Variants in AUTS2 observed in about 807,000 individuals in gnomAD.
The protein encoded by AUTS2 is autism susceptibility gene 2 protein.
A neutral mutation model predicts 112.4 loss-of-function variants in AUTS2; 17 were observed. The ratio of observed to expected loss-of-function variants is 0.15; its 90% CI spans 0.10 to 0.23. The LOEUF is 0.23. Ranked by LOEUF, AUTS2 falls within the 10% of genes least tolerant of loss-of-function variation. The pLI, the probability that AUTS2 is intolerant of heterozygous loss-of-function variation, is 1.00. For missense variants in AUTS2, 1,510 were observed against 1,701.6 expected (o/e 0.89, Z 1.98); for synonymous variants, 751 against 702.7 (o/e 1.07, Z -1.09).
chr7:70,393,106 G>A (rs1793935199), intron 4 of AUTS2, among the ~76,000 whole-genome samples: 1 of 152,200 alleles, frequency 6.6e-6, no homozygotes, highest in African/African-American at 2.4e-5. Context: ...GGCCAAAGAG[G>A]AATGCTCAGA....
chr7:70,282,795 G>A (rs948118552), intron 4 of AUTS2, among the ~76,000 whole-genome samples: 2 of 152,166 alleles, frequency 1.3e-5, no homozygotes, highest in African/African-American at 2.4e-5. Flanking sequence ...GGATTTTGTG[G>A]AAGAAGGAAT....
intron 1 of AUTS2, among the ~76,000 whole-genome samples, chr7:69,664,990 C>T (rs1392025559): frequency 6.6e-6 from 1 of 152,124 alleles, no homozygotes. Flanking sequence ...TGACGCATCA[C>T]CTTTACTTGA....
chr7:69,600,266 C>T (rs937424216), intron 1 of AUTS2, among the ~76,000 whole-genome samples: 2 of 152,074 alleles, frequency 1.3e-5, no homozygotes, highest in Admixed American at 6.5e-5. Context: ...CACAACAATG[C>T]GCCCCCTCTC....
chr7:69,669,427 T>G lies in AUTS2; in HGVS notation c.309+69465T>G, dbSNP rs369692171. Among the ~76,000 whole-genome samples, 15 of 152,244 alleles carry G rather than the reference T, an allele frequency of 9.9e-5. No homozygotes were observed. The East Asian group carries it at 1.5e-3, about 16-fold the overall frequency. ...TTTATTATATTGTAATATTTTGACA[T>G]GAGGTTTCAGGATTCTATAGAGTTA... On this transcript the variant is annotated intron_variant, in intron 1 of 18. Coordinates refer to ENST00000342771, the MANE Select transcript of AUTS2 (RefSeq NM_015570.4).
intron 1 of AUTS2, among the ~76,000 whole-genome samples, chr7:69,699,321 C>G (rs191186632): frequency 9.8e-5 from 15 of 152,294 alleles, no homozygotes; most frequent in Admixed American, 3.3e-4. Flanking sequence ...GCTTTTATAA[C>G]TACTTTATTA....
At chr7:70,394,040 G>T (rs1286079627) in intron 4 of AUTS2, among the ~76,000 whole-genome samples, 1 of 152,214 alleles carries the variant, frequency 6.6e-6, no homozygotes, top group African/African-American at 2.4e-5. Context: ...TTGCCTGGTA[G>T]CTGTCTCCCT....
intron 1 of AUTS2, among the ~76,000 whole-genome samples, chr7:69,760,561 C>G (rs911955349): frequency 1.3e-5 from 2 of 152,136 alleles, no homozygotes; most frequent in African/African-American, 4.8e-5. Flanking sequence ...CGGTGGCTCA[C>G]GCCTGTAATC....
At position 70,678,517 on chromosome 7, in the gene AUTS2, C is replaced by T. The variant is rs1202443459; in HGVS notation, c.691-20052C>T. Among the ~76,000 whole-genome samples the T allele has an allele frequency of 3.9e-5, 6 of 152,194 alleles. No individual in the cohort carries two copies. In the East Asian group the frequency reaches 7.7e-4, roughly 20 times the overall value. On this transcript the variant is annotated intron_variant, in intron 5 of 18. Coordinates refer to ENST00000342771, the MANE Select transcript of AUTS2 (RefSeq NM_015570.4). ...GAGCACTTACTTTGCAGTTGATGCTCTTCTAGCTAAGGTAATCTTCACAAC... is the reference window on the plus strand; with the variant it reads ...GAGCACTTACTTTGCAGTTGATGCTTTTCTAGCTAAGGTAATCTTCACAAC...
chr7:70,684,784 T>C lies in AUTS2; in HGVS notation c.691-13785T>C, dbSNP rs923603281. On this transcript the variant is annotated intron_variant, in intron 5 of 18. Transcript: ENST00000342771. ...CCTCATTCCTTCACTGCAGAGGACCTCCTTACACTCCTGTATCCATTTCCT... is the reference window on the plus strand; with the variant it reads ...CCTCATTCCTTCACTGCAGAGGACCCCCTTACACTCCTGTATCCATTTCCT... 2.2e-4 allele frequency among the ~76,000 whole-genome samples: 33 copies of C among 152,180 alleles called. 1 individual carries two copies. The highest frequency in any genetic ancestry group is 4.4e-5 in the Non-Finnish European group (3 of 68,028).
chr7:69,680,169 ATAG>A (rs1444082288), intron 1 of AUTS2, among the ~76,000 whole-genome samples: 10 of 152,246 alleles, frequency 6.6e-5, no homozygotes, highest in African/African-American at 2.4e-4. Context: ...TAGAAATCCT[ATAG>A]TAGTTGTTTT....
At chr7:70,452,877 C>T (rs1796589913) in intron 5 of AUTS2, among the ~76,000 whole-genome samples, 1 of 152,166 alleles carries the variant, frequency 6.6e-6, no homozygotes, top group African/African-American at 2.4e-5. Context: ...CCCATGTCCC[C>T]CTCCACCTAA....
chr7:70,048,480 A>G (rs1268863471), intron 2 of AUTS2, among the ~76,000 whole-genome samples: 2 of 152,222 alleles, frequency 1.3e-5, no homozygotes, highest in Non-Finnish European at 2.9e-5. Flanking sequence ...CCTTTCACTC[A>G]TTCTGTATAG....
intron 4 of AUTS2, among the ~76,000 whole-genome samples, chr7:70,248,519 TA>T (rs1327683020): frequency 6.6e-6 from 1 of 152,204 alleles, no homozygotes; most frequent in Non-Finnish European, 1.5e-5. Context: ...GAAGATGTTT[TA>T]AAAAGCTCTT....
At chr7:70,714,960 T>G (rs1293836608) in intron 6 of AUTS2, among the ~76,000 whole-genome samples, 1 of 152,222 alleles carries the variant, frequency 6.6e-6, no homozygotes, top group African/African-American at 2.4e-5. Context: ...CAAGCTTTTA[T>G]CTCATGGTCT....
At chr7:70,196,956 T>C (rs1413952593) in intron 4 of AUTS2, among the ~76,000 whole-genome samples, 1 of 152,212 alleles carries the variant, frequency 6.6e-6, no homozygotes, top group East Asian at 1.9e-4. Context: ...TATGTAATGA[T>C]AGTTTGGCTA....
chr7:70,746,502 A>T (rs1397774594), intron 6 of AUTS2, among the ~76,000 whole-genome samples: 1 of 152,238 alleles, frequency 6.6e-6, no homozygotes, highest in Non-Finnish European at 1.5e-5. Flanking sequence ...GTATAATAAA[A>T]TATAATTTAT....
intron 2 of AUTS2, among the ~76,000 whole-genome samples, chr7:70,021,299 C>T (rs192985554): frequency 5.8e-4 from 89 of 152,274 alleles, no homozygotes; most frequent in African/African-American, 1.9e-3. Context: ...TTTCTTGACT[C>T]CACTTAAGCT....
At chr7:70,665,680 G>C (rs982258740) in intron 5 of AUTS2, among the ~76,000 whole-genome samples, 1 of 152,102 alleles carries the variant, frequency 6.6e-6, no homozygotes, top group South Asian at 2.1e-4. Context: ...TAAACAACTC[G>C]GGTTTGAAAT....
chr7:70,128,520 G>C (rs1806098009), intron 3 of AUTS2, among the ~76,000 whole-genome samples: 1 of 152,128 alleles, frequency 6.6e-6, no homozygotes, highest in Admixed American at 6.5e-5. Flanking sequence ...AGGTAGACAG[G>C]TGAAGGTCTA....
Sources: allele counts gnomAD v4.1 joint callset (sites outside exome capture counted in the v4.1 genomes callset), GRCh38; gene constraint gnomAD v4.1.1; transcripts MANE v1.5; gene names NCBI Gene and HGNC (gene_info 2026-07-23, HGNC 2026-07-21).